Variants in PDGFD observed in about 807,000 individuals in gnomAD.
PDGFD encodes the protein platelet-derived growth factor D.
In PDGFD, 30 loss-of-function variants were observed where a neutral mutation model predicts 44.7. That is an observed-to-expected ratio of 0.67 (90% CI 0.50 to 0.91). The LOEUF is 0.91. Among genes scored for constraint, PDGFD ranks in the 40% least tolerant of loss-of-function variants. The pLI is 0.00. For synonymous variants in PDGFD, 173 were observed against 168.4 expected (o/e 1.03, Z -0.21); for missense variants, 445 against 457.8 (o/e 0.97, Z 0.25).
intron 1 of PDGFD, among the ~76,000 whole-genome samples, chr11:104,056,854 G>A (rs570708195): frequency 6.6e-6 from 1 of 152,236 alleles, no homozygotes; most frequent in East Asian, 1.9e-4. Context: ...AACCGGCTGG[G>A]CATGGTGGCT....
chr11:104,087,875 T>C (rs1306460937), intron 1 of PDGFD, among the ~76,000 whole-genome samples: 2 of 152,198 alleles, frequency 1.3e-5, no homozygotes, highest in African/African-American at 4.8e-5. Flanking sequence ...GACTAGTTTG[T>C]AATAATGTCC....
chr11:104,100,855 T>C (rs1861366745), intron 1 of PDGFD, among the ~76,000 whole-genome samples: 1 of 152,084 alleles, frequency 6.6e-6, no homozygotes, highest in African/African-American at 2.4e-5. Context: ...AAAAACCACA[T>C]GATTATCTCA....
chr11:104,019,848 C>T (rs1034339341), intron 1 of PDGFD, among the ~76,000 whole-genome samples: 1 of 151,974 alleles, frequency 6.6e-6, no homozygotes, highest in Non-Finnish European at 1.5e-5. Flanking sequence ...TGGAGTGTTC[C>T]CTACTACTTT....
intron 2 of PDGFD, 132 bp from the exon 3 acceptor site, chr11:103,996,377 A>T: frequency 1.2e-6 from 1 of 856,322 alleles, no homozygotes; most frequent in South Asian, 1.8e-5. Context: ...TATAATGTAC[A>T]GAAATGTTAA....
At chr11:104,066,892 A>C (rs1357564343) in intron 1 of PDGFD, among the ~76,000 whole-genome samples, 2 of 152,044 alleles carry the variant, frequency 1.3e-5, no homozygotes, top group South Asian at 2.1e-4. Context: ...TTCTAGGAGA[A>C]TTTGCTTTGT....
At chr11:103,984,289 C>T (rs1255448383) in intron 3 of PDGFD, among the ~76,000 whole-genome samples, 2 of 151,616 alleles carry the variant, frequency 1.3e-5, no homozygotes, top group African/African-American at 2.4e-5. Context: ...GGCCATTATC[C>T]TCAGCAAACT....
intron 6 of PDGFD, among the ~76,000 whole-genome samples, chr11:103,917,845 G>A (rs540113821): frequency 2.0e-5 from 3 of 152,216 alleles, no homozygotes; most frequent in South Asian, 4.1e-4. Flanking sequence ...CATGTGAACC[G>A]GCAGGGAGAC....
intron 1 of PDGFD, among the ~76,000 whole-genome samples, chr11:104,007,218 G>C (rs1859716673): frequency 6.6e-6 from 1 of 152,136 alleles, no homozygotes; most frequent in African/African-American, 2.4e-5. Flanking sequence ...TCCGACCTTG[G>C]AACCTCCTCT....
At chr11:103,991,292 C>T (rs970276577) in intron 3 of PDGFD, among the ~76,000 whole-genome samples, 1 of 152,048 alleles carries the variant, frequency 6.6e-6, no homozygotes, top group African/African-American at 2.4e-5. Flanking sequence ...TTATCTTTTT[C>T]AACCCCTGGG....
Position 103,926,947 on chromosome 11 carries a change from A to T in PDGFD, c.952T>A (p.Cys318Ser), listed in dbSNP as rs1196578961. Residue 318 changes from cysteine (C) to serine (S), a missense_variant, in exon 6 of 7, where the codon TGC becomes AGC. Transcript: ENST00000393158. Reference sequence around the variant, plus strand: ...TTTTTCACGGTTTTCCCTGAATTGCATGTGCAGGACCTCCAGTTGACAGTT... The same window carrying T: ...TTTTTCACGGTTTTCCCTGAATTGCTTGTGCAGGACCTCCAGTTGACAGTT... ...CGTVNWRSCT[C>S]NSGKTVKKYH... 1.9e-6 allele frequency: 3 copies of T among 1,614,068 alleles called. No homozygotes were observed.
chr11:104,022,566 G>T (rs1276345365), intron 1 of PDGFD, among the ~76,000 whole-genome samples: 1 of 151,756 alleles, frequency 6.6e-6, no homozygotes, highest in East Asian at 1.9e-4. Flanking sequence ...AACCTATAGG[G>T]GAAAGGAAAA....
intron 3 of PDGFD, among the ~76,000 whole-genome samples, chr11:103,953,851 G>A (rs560208819): frequency 1.3e-5 from 2 of 152,298 alleles, no homozygotes; most frequent in South Asian, 2.1e-4. Flanking sequence ...ACTACAAAGC[G>A]TTCTAGCATG....
At chr11:104,146,191 T>C (rs1022426583) in intron 1 of PDGFD, among the ~76,000 whole-genome samples, 1 of 152,238 alleles carries the variant, frequency 6.6e-6, no homozygotes, top group African/African-American at 2.4e-5. Context: ...TTTGTATTCA[T>C]GTTTGGCTGT....
intron 1 of PDGFD, among the ~76,000 whole-genome samples, chr11:104,018,117 A>G (rs1859888205): frequency 6.6e-6 from 1 of 152,028 alleles, no homozygotes; most frequent in South Asian, 2.1e-4. Flanking sequence ...CTCACCCTTT[A>G]CATTGTCCCC....
intron 1 of PDGFD, among the ~76,000 whole-genome samples, chr11:104,019,969 T>TA (rs1329713276): frequency 2.0e-5 from 3 of 151,934 alleles, no homozygotes; most frequent in South Asian, 2.1e-4. Context: ...GCACCAAAAA[T>TA]AAAAAAATAT....
intron 3 of PDGFD, among the ~76,000 whole-genome samples, chr11:103,969,627 G>A (rs1452248247): frequency 3.3e-5 from 5 of 151,726 alleles, no homozygotes; most frequent in African/African-American, 9.7e-5. Context: ...ATATGTTAGA[G>A]CTACTCCTTC....
At chr11:103,992,769 C>A (rs1859477409) in intron 3 of PDGFD, among the ~76,000 whole-genome samples, 1 of 152,176 alleles carries the variant, frequency 6.6e-6, no homozygotes. Context: ...GAGTAAAAAA[C>A]CGACTAAAAA....
intron 1 of PDGFD, among the ~76,000 whole-genome samples, chr11:104,124,461 C>T (rs954709841): frequency 1.2e-4 from 18 of 152,002 alleles, no homozygotes; most frequent in African/African-American, 2.7e-4. Context: ...AAGTACAAAA[C>T]GAACAGACAT....
At chr11:104,120,478 A>T (rs1861761882) in intron 1 of PDGFD, among the ~76,000 whole-genome samples, 1 of 151,914 alleles carries the variant, frequency 6.6e-6, no homozygotes, top group Non-Finnish European at 1.5e-5. Flanking sequence ...ATAAGTTCAA[A>T]TTCTTGACCT....
Sources: gnomAD v4.1 joint callset for allele counts (sites outside exome capture counted in the v4.1 genomes callset) on GRCh38, gnomAD v4.1.1 for gene constraint, MANE v1.5 for transcripts, NCBI Gene and HGNC (gene_info 2026-07-23, HGNC 2026-07-21) for gene names.